AGAP1: variants seen among roughly 807,000 people sequenced by gnomAD.
The protein encoded by AGAP1 is ArfGAP with GTPase domain, ankyrin repeat and PH domain 1.
A neutral mutation model predicts 105.3 loss-of-function variants in AGAP1; 29 were observed. The observed-to-expected ratio is 0.28, with a 90% CI of 0.21 to 0.38. AGAP1 has a LOEUF of 0.38. Ranked by LOEUF, AGAP1 falls within the 10% of genes least tolerant of loss-of-function variation. The pLI, the probability that AGAP1 is intolerant of heterozygous loss-of-function variation, is 1.00. For synonymous variants in AGAP1, 509 were observed against 485.9 expected, an observed-to-expected ratio of 1.05 and a Z score of -0.63; for missense variants, 998 against 1,165.1, an observed-to-expected ratio of 0.86 and a Z score of 2.09.
rs1299828664 is a variant in AGAP1 at position 235,825,862 on chromosome 2, T to TC, written c.1050+18532dup. Among the ~76,000 whole-genome samples, 13 of 152,308 alleles carry TC rather than the reference T, an allele frequency of 8.5e-5. No homozygotes were observed. In the East Asian group the frequency reaches 2.5e-3, roughly 29 times the overall value. Reference sequence around the variant, plus strand: ...CATTTAAAAATAACTTAAAAGAGTGTCATTGGATTGTTTGTAACCCAATGG... The same window carrying TC: ...CATTTAAAAATAACTTAAAAGAGTGTCCATTGGATTGTTTGTAACCCAATGG... On this transcript the variant is annotated intron_variant, in intron 9 of 17. Transcript: ENST00000304032.
chr2:236,069,106 A>G (rs574218348), intron 16 of AGAP1, among the ~76,000 whole-genome samples: 32 of 151,968 alleles, frequency 2.1e-4, no homozygotes, highest in African/African-American at 7.7e-4. Flanking sequence ...CAGCCTGGGC[A>G]ACAGCGTGAG....
intron 11 of AGAP1, among the ~76,000 whole-genome samples, chr2:235,920,511 C>A (rs924288982): frequency 2.0e-5 from 3 of 152,162 alleles, no homozygotes; most frequent in Non-Finnish European, 4.4e-5. Context: ...TGGCATCGCT[C>A]TGATCATCAG....
chr2:235,991,937 A>C (rs2055581573), intron 13 of AGAP1, among the ~76,000 whole-genome samples: 1 of 152,148 alleles, frequency 6.6e-6, no homozygotes, highest in South Asian at 2.1e-4. Context: ...TCAGACTTGC[A>C]AAAAAACGCT....
rs545683524 is a variant in AGAP1 at position 235,848,551 on chromosome 2, T to C, written c.1051-34794T>C. ...AATTCACAGTGAAACTAATAATCCA[T>C]TGATTGTGATGTCCATGGTGAGATC... is the stretch of plus-strand genomic sequence containing the variant. On this transcript the variant is annotated intron_variant, in intron 9 of 17. Coordinates refer to ENST00000304032, the MANE Select transcript of AGAP1 (RefSeq NM_001037131.3). Among the ~76,000 whole-genome samples, 3 of 152,374 alleles carry C rather than the reference T, an allele frequency of 2.0e-5. No individual in the cohort carries two copies. The South Asian group carries it at 6.2e-4, about 32-fold the overall frequency.
At position 235,769,391 on chromosome 2, in the gene AGAP1, T is replaced by C. The variant is rs886392570; in HGVS notation, c.673+18903T>C. Among the ~76,000 whole-genome samples, 2 of 152,242 alleles carry C rather than the reference T, an allele frequency of 1.3e-5. No homozygotes were observed. The highest frequency in any genetic ancestry group is 4.8e-5 in the African/African-American group (2 of 41,468). ...CAAGGTTTGCGTGGTCTTCACTCTT[T>C]TGCAGAAAATTGTTGGCATTGCATC... is the stretch of plus-strand genomic sequence containing the variant. On this transcript the variant is annotated intron_variant, in intron 6 of 17. Coordinates refer to ENST00000304032, the MANE Select transcript of AGAP1 (RefSeq NM_001037131.3). The surrounding 1 kb of genome is among the most constrained non-coding windows in gnomAD (Gnocchi z 4.4).
chr2:235,819,902 TTC>T (rs1958690106), intron 9 of AGAP1, among the ~76,000 whole-genome samples: 1 of 140,166 alleles, frequency 7.1e-6, no homozygotes, highest in Non-Finnish European at 1.6e-5. Flanking sequence ...TCTTCTTTCT[TTC>T]TTTTTTTTTT....
Position 235,611,423 on chromosome 2 carries a change from A to G in AGAP1, c.164-97756A>G, listed in dbSNP as rs143849751. On this transcript the variant is annotated intron_variant, in intron 1 of 17. Coordinates refer to ENST00000304032, the MANE Select transcript of AGAP1 (RefSeq NM_001037131.3). The surrounding 1 kb of genome is among the most constrained non-coding windows in gnomAD (Gnocchi z 5.0). ...CTTCATATTTTCATAATGAATAGTT[A>G]TTGTGAAGGAGCTGATTTTTGGAGG... 2.4e-4 allele frequency among the ~76,000 whole-genome samples: 37 copies of G among 152,346 alleles called. No individual in the cohort carries two copies. The highest frequency in any genetic ancestry group is 5.8e-4 in the African/African-American group (24 of 41,582).
At chr2:235,693,275 C>G (rs113572820) in intron 1 of AGAP1, among the ~76,000 whole-genome samples, 7,553 of 152,162 alleles carry the variant, frequency 0.05, 571 homozygotes, top group African/African-American at 0.17. Flanking sequence ...GGCACTGTGG[C>G]CTTAGGAGCT....
At position 236,121,274 on chromosome 2, in the gene AGAP1, G is replaced by C. The variant is rs747051581; in HGVS notation, c.2370+827G>C. On this transcript the variant is annotated intron_variant, in intron 17 of 17. Coordinates refer to ENST00000304032, the MANE Select transcript of AGAP1 (RefSeq NM_001037131.3). The surrounding 1 kb of genome is among the most constrained non-coding windows in gnomAD (Gnocchi z 4.9). Reference sequence around the variant, plus strand: ...CAGCAGCATGGGTAGAGTGCAGCAGGTTTCTGCATGTTTTTGATCTGACTT... The same window carrying C: ...CAGCAGCATGGGTAGAGTGCAGCAGCTTTCTGCATGTTTTTGATCTGACTT... Among the ~76,000 whole-genome samples the C allele has an allele frequency of 3.3e-5, 5 of 152,190 alleles. No individual in the cohort carries two copies. Among genetic ancestry groups the C allele is most frequent in the Non-Finnish European group, 7.3e-5 (5 of 68,042 alleles).
At position 236,078,791 on chromosome 2, in the gene AGAP1, G is replaced by A. The variant is rs1203026060; in HGVS notation, c.2114+29510G>A. Among the ~76,000 whole-genome samples the A allele has an allele frequency of 6.6e-6, 1 of 152,128 alleles. No individual in the cohort carries two copies. Among genetic ancestry groups the A allele is most frequent in the Non-Finnish European group, 1.5e-5 (1 of 68,024 alleles). On this transcript the variant is annotated intron_variant, in intron 16 of 17. Coordinates refer to ENST00000304032, the MANE Select transcript of AGAP1 (RefSeq NM_001037131.3). This position sits in a 1 kb window ranked among gnomAD's most constrained non-coding sequence, Gnocchi z 5.3. ...TTCCTAAGCTTGAGCCAGACTGGTC[G>A]TTCTGCCAGGTTGGTTGCCCACCCT...
At position 235,724,264 on chromosome 2, in the gene AGAP1, T is replaced by TG. The variant is rs1438705597; in HGVS notation, c.310+6624dup. On this transcript the variant is annotated intron_variant, in intron 3 of 17. Coordinates refer to ENST00000304032, the MANE Select transcript of AGAP1 (RefSeq NM_001037131.3). This position sits in a 1 kb window ranked among gnomAD's most constrained non-coding sequence, Gnocchi z 4.9. ...GAGCTCCTGGCCGGGAGCCTGGTAA[T>TG]GGGGATGGCTGGTAAAGGCTGTGCC... Among the ~76,000 whole-genome samples, 1 of 152,176 alleles carries TG rather than the reference T, an allele frequency of 6.6e-6. No homozygotes were observed. Among genetic ancestry groups the TG allele is most frequent in the Non-Finnish European group, 1.5e-5 (1 of 68,016 alleles).
At chr2:235,502,178 A>G (rs534965657) in intron 1 of AGAP1, among the ~76,000 whole-genome samples, 6 of 152,164 alleles carry the variant, frequency 3.9e-5, no homozygotes, top group African/African-American at 1.4e-4. Flanking sequence ...CAGTCCCTCT[A>G]TCTTCCAGGG....
chr2:235,976,710 C>T lies in AGAP1; in HGVS notation c.1645+8087C>T, dbSNP rs1218372178. On this transcript the variant is annotated intron_variant, in intron 13 of 17. Coordinates refer to ENST00000304032, the MANE Select transcript of AGAP1 (RefSeq NM_001037131.3). This position sits in a 1 kb window ranked among gnomAD's most constrained non-coding sequence, Gnocchi z 4.5. ...CATAGACCAGTGGAGAAAGCAGAAA[C>T]ACGCCGGGGAACTTGGTTATGCAGG... Among the ~76,000 whole-genome samples the T allele has an allele frequency of 6.6e-6, 1 of 152,146 alleles. No homozygotes were observed. Among genetic ancestry groups the T allele is most frequent in the Non-Finnish European group, 1.5e-5 (1 of 68,032 alleles).
At position 235,788,895 on chromosome 2, in the gene AGAP1, A is replaced by C. The variant is rs1440572845; in HGVS notation, c.674-8864A>C. Among the ~76,000 whole-genome samples, 3 of 152,182 alleles carry C rather than the reference A, an allele frequency of 2.0e-5. No individual in the cohort carries two copies. Among genetic ancestry groups the C allele is most frequent in the Non-Finnish European group, 4.4e-5 (3 of 68,036 alleles). On this transcript the variant is annotated intron_variant, in intron 6 of 17. Transcript: ENST00000304032. The surrounding 1 kb of genome is among the most constrained non-coding windows in gnomAD (Gnocchi z 6.0). The stretch of plus-strand genomic sequence containing the variant: ...CGTTTGCATGTTGGTGCTTCTGAAC[A>C]CAGGATCCCTGGTCCTCCTGAGGCC...
intron 9 of AGAP1, among the ~76,000 whole-genome samples, chr2:235,881,652 G>A (rs2106620311): frequency 6.6e-6 from 1 of 152,352 alleles, no homozygotes; most frequent in Middle Eastern, 3.4e-3. Flanking sequence ...GAGAATCCCA[G>A]CTCAAGGTGT....
Position 235,883,519 on chromosome 2 carries a change from T to A in AGAP1, c.1155+70T>A. On this transcript the variant is annotated intron_variant, in intron 10 of 17. Transcript: ENST00000304032. The surrounding 1 kb of genome is among the most constrained non-coding windows in gnomAD (Gnocchi z 4.5). ...CTAAACACTGTGGGGAAGGGGAACC[T>A]ACCAGCAGCCCAGCCTCTTGTCTCT... is the stretch of plus-strand genomic sequence containing the variant. The A allele has an allele frequency of 1.6e-6, 2 of 1,273,880 alleles. No individual in the cohort carries two copies. The highest frequency in any genetic ancestry group is 2.3e-6 in the Non-Finnish European group (2 of 888,066). 78.9% of individuals were successfully genotyped at this position (1,273,880 alleles called of 1,614,324 possible).
chr2:235,518,635 CAA>C (rs1257801420), intron 1 of AGAP1, among the ~76,000 whole-genome samples: 3 of 152,068 alleles, frequency 2.0e-5, no homozygotes, highest in African/African-American at 7.2e-5. Flanking sequence ...TGCCATAGGA[CAA>C]AGAGAAAGGA....
At position 235,976,980 on chromosome 2, in the gene AGAP1, T is replaced by C. The variant is rs1381229791; in HGVS notation, c.1645+8357T>C. ...CTCCTTAGCCTGCTACACAGAAGCA[T>C]AAACTCACCTTTGAAAAATGCTGAC... On this transcript the variant is annotated intron_variant, in intron 13 of 17. Coordinates refer to ENST00000304032, the MANE Select transcript of AGAP1 (RefSeq NM_001037131.3). This position sits in a 1 kb window ranked among gnomAD's most constrained non-coding sequence, Gnocchi z 4.5. Among the ~76,000 whole-genome samples, 1 of 152,186 alleles carries C rather than the reference T, an allele frequency of 6.6e-6. No individual in the cohort carries two copies. The highest frequency in any genetic ancestry group is 1.5e-5 in the Non-Finnish European group (1 of 68,016).
chr2:235,798,836 A>G (rs1423099442), intron 7 of AGAP1, among the ~76,000 whole-genome samples: 1 of 146,206 alleles, frequency 6.8e-6, no homozygotes, highest in Non-Finnish European at 1.5e-5. Flanking sequence ...GTGCCACTGC[A>G]TTCCAGCCTG....
Sources: allele counts gnomAD v4.1 joint callset (sites outside exome capture counted in the v4.1 genomes callset), GRCh38; gene constraint gnomAD v4.1.1; non-coding constraint Gnocchi (gnomAD v3.1); transcripts MANE v1.5; gene names NCBI Gene and HGNC (gene_info 2026-07-23, HGNC 2026-07-21).